The following CSMD1 variants were observed in gnomAD, a reference collection of about 807,000 sequenced individuals.
CSMD1 encodes the protein CUB and sushi domain-containing protein 1.
In CSMD1, 213 loss-of-function variants were observed where a neutral mutation model predicts 417.5. That is an observed-to-expected ratio of 0.51 (90% confidence interval 0.46 to 0.57). The LOEUF (loss-of-function observed/expected upper bound fraction) is 0.57, where lower values mean the gene tolerates loss of function less well. Among genes scored for constraint, CSMD1 ranks in the 20% least tolerant of loss-of-function variants. The pLI is 0.00. For synonymous variants in CSMD1, 2,862 were observed against 1,736.8 expected (o/e 1.65, Z -16.11); for missense variants, 6,923 against 4,529.7 (o/e 1.53, Z -15.17).
chr8:4,248,859 C>T (rs763186674), intron 3 of CSMD1, among the ~76,000 whole-genome samples: 1 of 151,908 alleles, frequency 6.6e-6, no homozygotes, highest in African/African-American at 2.4e-5. Flanking sequence ...TGCTAACTCT[C>T]AAAAGTCACT....
intron 23 of CSMD1, among the ~76,000 whole-genome samples, chr8:3,342,085 C>A (rs13268750): frequency 6.6e-6 from 1 of 151,944 alleles, no homozygotes; most frequent in African/African-American, 2.4e-5. Context: ...TTATTGTGCA[C>A]AAATATTAAT....
intron 8 of CSMD1, among the ~76,000 whole-genome samples, chr8:3,602,254 T>C (rs1170254269): frequency 6.6e-6 from 1 of 152,120 alleles, no homozygotes; most frequent in Non-Finnish European, 1.5e-5. Flanking sequence ...CTGGAGTGTG[T>C]TTAATTGCAC....
chr8:4,113,598 G>T (rs1397571097), intron 3 of CSMD1, among the ~76,000 whole-genome samples: 3 of 151,994 alleles, frequency 2.0e-5, no homozygotes, highest in Non-Finnish European at 2.9e-5. Context: ...TAGAGACAGA[G>T]TTTCACTGTG....
intron 3 of CSMD1, among the ~76,000 whole-genome samples, chr8:4,297,853 T>C (rs916895197): frequency 6.6e-6 from 1 of 152,210 alleles, no homozygotes; most frequent in Non-Finnish European, 1.5e-5. Flanking sequence ...TAAACATTGC[T>C]GGTGGTCCTG....
At chr8:4,959,200 A>T (rs1379875683) in intron 1 of CSMD1, among the ~76,000 whole-genome samples, 1 of 152,216 alleles carries the variant, frequency 6.6e-6, no homozygotes, top group Non-Finnish European at 1.5e-5. Flanking sequence ...CGTTCTGTTC[A>T]ACGTTACTGC....
chr8:3,056,595 C>T (rs1298751987), intron 49 of CSMD1, among the ~76,000 whole-genome samples: 1 of 152,106 alleles, frequency 6.6e-6, no homozygotes, highest in Non-Finnish European at 1.5e-5. Flanking sequence ...GTCTTGAACT[C>T]CTGGGCTCAA....
At chr8:3,356,352 C>A in intron 21 of CSMD1, among the ~76,000 whole-genome samples, 1 of 152,172 alleles carries the variant, frequency 6.6e-6, no homozygotes, top group East Asian at 1.9e-4. Context: ...TGTAAAGGAG[C>A]CAGCAGTCTG....
At chr8:3,739,221 A>G (rs1038005955) in intron 6 of CSMD1, among the ~76,000 whole-genome samples, 2 of 152,114 alleles carry the variant, frequency 1.3e-5, no homozygotes, top group African/African-American at 4.8e-5. Context: ...CTGTCCTCAA[A>G]CTTTTGTCCC....
At chr8:4,812,462 A>G (rs889367733) in intron 1 of CSMD1, among the ~76,000 whole-genome samples, 1 of 152,228 alleles carries the variant, frequency 6.6e-6, no homozygotes, top group African/African-American at 2.4e-5. Flanking sequence ...CGTTCCCGAC[A>G]CATAGAAATA....
intron 5 of CSMD1, among the ~76,000 whole-genome samples, chr8:3,917,108 T>C (rs1451322980): frequency 6.6e-6 from 1 of 152,172 alleles, no homozygotes. Context: ...TTTTAAAATC[T>C]TTGTCATAAA....
chr8:3,722,893 C>T (rs1287632505), intron 6 of CSMD1, among the ~76,000 whole-genome samples: 2 of 136,266 alleles, frequency 1.5e-5, no homozygotes, highest in Admixed American at 7.9e-5. Context: ...ACCATTTTTA[C>T]TTGAGAGACT....
chr8:4,519,081 AT>A (rs1302059836), intron 2 of CSMD1, among the ~76,000 whole-genome samples: 1 of 152,156 alleles, frequency 6.6e-6, no homozygotes, highest in African/African-American at 2.4e-5. Context: ...ATTCCCACCA[AT>A]TTAATCTCAT....
intron 3 of CSMD1, among the ~76,000 whole-genome samples, chr8:4,356,329 T>TACACACACACACACAC (rs3990908): frequency 5.3e-5 from 8 of 150,860 alleles, no homozygotes; most frequent in African/African-American, 9.7e-5. Context: ...TCATATGTAA[T>TACACACACACACACAC]ACACACACAC....
intron 3 of CSMD1, among the ~76,000 whole-genome samples, chr8:4,186,353 A>G (rs542022199): frequency 1.3e-5 from 2 of 152,112 alleles, no homozygotes; most frequent in Non-Finnish European, 2.9e-5. Context: ...CCCTGGGCTG[A>G]TTCCTATCTT....
intron 26 of CSMD1, among the ~76,000 whole-genome samples, chr8:3,244,368 G>A (rs1024034781): frequency 6.6e-6 from 1 of 152,140 alleles, no homozygotes; most frequent in Non-Finnish European, 1.5e-5. Flanking sequence ...TGCAAACCTA[G>A]GACGTGTCCT....
At chr8:4,928,195 G>A (rs922646476) in intron 1 of CSMD1, among the ~76,000 whole-genome samples, 73 of 152,152 alleles carry the variant, frequency 4.8e-4, no homozygotes, top group African/African-American at 1.1e-3. Flanking sequence ...TGGAGTGCCC[G>A]TCACCAAGAA....
At chr8:4,355,600 A>C (rs921576116) in intron 3 of CSMD1, among the ~76,000 whole-genome samples, 1 of 152,062 alleles carries the variant, frequency 6.6e-6, no homozygotes, top group Non-Finnish European at 1.5e-5. Flanking sequence ...GTGTTCAGAC[A>C]GAAGAATAAC....
At chr8:3,364,113 T>C (rs1231624415) in intron 20 of CSMD1, among the ~76,000 whole-genome samples, 1 of 152,122 alleles carries the variant, frequency 6.6e-6, no homozygotes, top group Non-Finnish European at 1.5e-5. Context: ...TCTGGATGGG[T>C]AAATGCCTCA....
At chr8:3,357,337 TC>T (rs1227709860) in intron 21 of CSMD1, among the ~76,000 whole-genome samples, 3 of 152,152 alleles carry the variant, frequency 2.0e-5, no homozygotes, top group African/African-American at 7.2e-5. Flanking sequence ...GTTTGTAGAG[TC>T]TTTTTGTCTT....
Sources: gnomAD v4.1 joint callset for allele counts (sites outside exome capture counted in the v4.1 genomes callset) on GRCh38, gnomAD v4.1.1 for gene constraint, MANE v1.5 for transcripts, NCBI Gene and HGNC (gene_info 2026-07-23, HGNC 2026-07-21) for gene names.